Variants in DPY19L3 observed in about 807,000 individuals in gnomAD.
The protein encoded by DPY19L3 is protein C-mannosyl-transferase DPY19L3.
A neutral mutation model predicts 92.3 loss-of-function variants in DPY19L3; 51 were observed. The observed-to-expected ratio is 0.55, with a 90% CI of 0.44 to 0.70. The LOEUF (loss-of-function observed/expected upper bound fraction) is 0.70, where lower values mean the gene tolerates loss of function less well. DPY19L3 is among the 30% of genes least tolerant of loss of function. DPY19L3 has a pLI of 0.00. For missense variants in DPY19L3, 706 were observed against 855.9 expected (o/e 0.82, Z 2.18); for synonymous variants, 309 against 315.2 (o/e 0.98, Z 0.21).
At chr19:32,422,566 A>T (rs1034130457) in intron 3 of DPY19L3, among the ~76,000 whole-genome samples, 3 of 151,980 alleles carry the variant, frequency 2.0e-5, no homozygotes, top group Non-Finnish European at 4.4e-5. Flanking sequence ...TTGAGGACAA[A>T]GAGCAGCAAG....
At chr19:32,478,104 G>A (rs1368355452) in intron 17 of DPY19L3, among the ~76,000 whole-genome samples, 1 of 152,146 alleles carries the variant, frequency 6.6e-6, no homozygotes, top group African/African-American at 2.4e-5. Flanking sequence ...GATTTGGGTG[G>A]GGACACAGCC....
intron 16 of DPY19L3, 121 bp downstream of exon 16, chr19:32,468,934 C>T (rs1340916779): frequency 3.0e-5 from 28 of 922,460 alleles, no homozygotes; most frequent in South Asian, 2.6e-5. Context: ...AACATTCGTC[C>T]TTACTAGATT....
chr19:32,407,873 C>A (rs529117171), intron 1 of DPY19L3, among the ~76,000 whole-genome samples: 1 of 152,074 alleles, frequency 6.6e-6, no homozygotes, highest in African/African-American at 2.4e-5. Flanking sequence ...CGGGGAGGAT[C>A]GCATGAGGCC....
Position 32,480,317 on chromosome 19 carries a change from C to A in DPY19L3, c.1831-82C>A, listed in dbSNP as rs16967141. 9 of 1,475,486 alleles carry A rather than the reference C, an allele frequency of 6.1e-6. No individual in the cohort carries two copies. The African/African-American group carries it at 1.1e-4, about 18-fold the overall frequency. 91.4% of individuals were successfully genotyped at this position (1,475,486 alleles called of 1,614,324 possible). The stretch of plus-strand genomic sequence containing the variant: ...TTGGGTGTTAGGTCTTAGACTCAGC[C>A]CTGTGGAAGGTTACATCACATAGTT... On this transcript the variant is annotated intron_variant, in intron 17 of 18. Coordinates refer to ENST00000392250, the MANE Select transcript of DPY19L3 (RefSeq NM_001172774.2).
At chr19:32,444,379 A>G (rs1033571490) in intron 8 of DPY19L3, among the ~76,000 whole-genome samples, 4 of 152,166 alleles carry the variant, frequency 2.6e-5, no homozygotes, top group African/African-American at 9.7e-5. Flanking sequence ...GAACTTGAAG[A>G]TAGAACAATT....
At chr19:32,457,479 CCT>C (rs1969901859) in intron 10 of DPY19L3, among the ~76,000 whole-genome samples, 1 of 151,840 alleles carries the variant, frequency 6.6e-6, no homozygotes, top group Admixed American at 6.6e-5. Context: ...ATCTTTTCTC[CCT>C]GTCTTCATTT....
chr19:32,407,149 G>A (rs1164390399), intron 1 of DPY19L3, among the ~76,000 whole-genome samples: 1 of 151,968 alleles, frequency 6.6e-6, no homozygotes, highest in African/African-American at 2.4e-5. Flanking sequence ...TAATTAGTAA[G>A]AGGCTGTTCA....
chr19:32,469,021 A>C (rs1217540487), intron 16 of DPY19L3: 1 of 362,550 alleles, frequency 2.8e-6, no homozygotes, highest in Admixed American at 4.7e-5. Flanking sequence ...CTCATGAAGA[A>C]AGGAAAATAC....
intron 4 of DPY19L3, among the ~76,000 whole-genome samples, chr19:32,434,447 G>T (rs367880027): frequency 9.9e-5 from 15 of 152,158 alleles, no homozygotes; most frequent in East Asian, 3.9e-4. Context: ...ACCTGAGGTC[G>T]GGAGTTCGAG....
chr19:32,481,409 T>A (rs1413844095), intron 18 of DPY19L3: 1 of 152,020 alleles, frequency 6.6e-6, no homozygotes, highest in Non-Finnish European at 1.5e-5. Context: ...TTCAGTTATT[T>A]ATTTATTTAT....
At chr19:32,433,971 TTTA>T (rs1489274148) in intron 4 of DPY19L3, among the ~76,000 whole-genome samples, 1 of 152,156 alleles carries the variant, frequency 6.6e-6, no homozygotes, top group Non-Finnish European at 1.5e-5. Context: ...TTCCTCCTTA[TTTA>T]TTAGTTGGAA....
At chr19:32,450,553 T>C (rs1474722778) in intron 8 of DPY19L3, among the ~76,000 whole-genome samples, 3 of 152,172 alleles carry the variant, frequency 2.0e-5, no homozygotes, top group Non-Finnish European at 4.4e-5. Context: ...TAAAAAAGAA[T>C]GTTGATACAT....
Position 32,463,985 on chromosome 19 carries a change from G to T in DPY19L3, c.1557+5G>T. The T allele has an allele frequency of 6.3e-7, 1 of 1,584,784 alleles. No homozygotes were observed. The highest frequency in any genetic ancestry group is 2.3e-5 in the East Asian group (1 of 44,424). On this transcript the variant is annotated splice_donor_5th_base_variant and intron_variant, in intron 14 of 18. Coordinates refer to ENST00000392250, the MANE Select transcript of DPY19L3 (RefSeq NM_001172774.2). ...CATCTTTATAACCCAAAGAGGGTCA[G>T]TGTCATCCCTTTTTCCATCTCCTTT... is the stretch of plus-strand genomic sequence containing the variant.
intron 3 of DPY19L3, among the ~76,000 whole-genome samples, chr19:32,430,408 C>A (rs1968920551): frequency 6.6e-6 from 1 of 151,858 alleles, no homozygotes; most frequent in Non-Finnish European, 1.5e-5. Flanking sequence ...AATTTCAGAA[C>A]CTGATGGGCC....
intron 14 of DPY19L3, among the ~76,000 whole-genome samples, chr19:32,464,183 A>G (rs1324090921): frequency 6.6e-6 from 1 of 152,112 alleles, no homozygotes; most frequent in African/African-American, 2.4e-5. Flanking sequence ...TCAGACTATA[A>G]GTTAGATATG....
intron 17 of DPY19L3, 110 bp from the exon 18 acceptor site, chr19:32,480,289 A>C: frequency 8.0e-7 from 1 of 1,251,676 alleles, no homozygotes; most frequent in Non-Finnish European, 1.1e-6. Context: ...TGGAGAGAGC[A>C]CCTTGGGTGT....
At chr19:32,418,758 C>T (rs190578983) in intron 3 of DPY19L3, among the ~76,000 whole-genome samples, 2 of 152,070 alleles carry the variant, frequency 1.3e-5, no homozygotes, top group East Asian at 1.9e-4. Flanking sequence ...AATGAAAATA[C>T]TTTGATTTTA....
At chr19:32,447,720 C>CATAGATAGATAGATAG (rs56116714) in intron 8 of DPY19L3, among the ~76,000 whole-genome samples, 101 of 131,728 alleles carry the variant, frequency 7.7e-4, no homozygotes, top group Non-Finnish European at 1.1e-3. Context: ...CCGTCTCATT[C>CATAGATAGATAGATAG]ATAGATAGAT....
At chr19:32,474,679 C>T (rs149653533) in intron 16 of DPY19L3, among the ~76,000 whole-genome samples, 1,746 of 152,270 alleles carry the variant, frequency 0.011, 42 homozygotes, top group African/African-American at 0.039. Flanking sequence ...CAACTTATGC[C>T]TCCCGGGTTC....
Sources: gnomAD v4.1 joint callset for allele counts (sites outside exome capture counted in the v4.1 genomes callset) on GRCh38, gnomAD v4.1.1 for gene constraint, MANE v1.5 for transcripts, NCBI Gene and HGNC (gene_info 2026-07-23, HGNC 2026-07-21) for gene names.